The following ASIC2 variants were observed in gnomAD, a reference collection of about 807,000 sequenced individuals.
ASIC2 encodes acid-sensing ion channel 2.
Under a neutral mutation model 57.3 loss-of-function variants are expected in ASIC2, and 25 were observed. The observed-to-expected ratio is 0.44, with a 90% confidence interval of 0.32 to 0.61. The LOEUF is 0.61. ASIC2 is among the 20% of genes least tolerant of loss of function. The pLI is 0.06. For missense variants in ASIC2, 641 were observed against 738.1 expected (o/e 0.87, Z 1.52); for synonymous variants, 319 against 307.5 (o/e 1.04, Z -0.39).
At chr17:33,530,771 A>C (rs1915027910) in intron 1 of ASIC2, among the ~76,000 whole-genome samples, 1 of 152,206 alleles carries the variant, frequency 6.6e-6, no homozygotes, top group African/African-American at 2.4e-5. Flanking sequence ...CACAGGTACC[A>C]AGGGGTTGGA....
intron 1 of ASIC2, among the ~76,000 whole-genome samples, chr17:33,941,436 A>G (rs947870755): frequency 2.6e-5 from 4 of 152,050 alleles, no homozygotes; most frequent in Admixed American, 2.6e-4. Flanking sequence ...CTGAAAAGGA[A>G]CCCCACCTTA....
chr17:33,857,120 G>A (rs1913978840), intron 1 of ASIC2, among the ~76,000 whole-genome samples: 1 of 151,978 alleles, frequency 6.6e-6, no homozygotes, highest in Admixed American at 6.6e-5. Flanking sequence ...AAAATTGAAG[G>A]GTCTTACCCT....
intron 1 of ASIC2, among the ~76,000 whole-genome samples, chr17:33,955,897 T>C (rs974002353): frequency 2.0e-5 from 3 of 152,358 alleles, no homozygotes; most frequent in African/African-American, 7.2e-5. Flanking sequence ...ACCTGGTTAA[T>C]GAATTTACAC....
At chr17:33,015,854 G>A in intron 9 of ASIC2, 117 bp downstream of exon 9, 2 of 1,064,886 alleles carry the variant, frequency 1.9e-6, no homozygotes, top group Non-Finnish European at 1.4e-6. Flanking sequence ...CATGTCCCAA[G>A]CCATGGAAAG....
intron 1 of ASIC2, among the ~76,000 whole-genome samples, chr17:33,858,471 T>C (rs921186193): frequency 6.6e-6 from 1 of 152,190 alleles, no homozygotes; most frequent in Non-Finnish European, 1.5e-5. Flanking sequence ...GAAATGAATT[T>C]TGTTTAGTTC....
At chr17:33,932,379 A>G (rs1233624627) in intron 1 of ASIC2, among the ~76,000 whole-genome samples, 1 of 152,172 alleles carries the variant, frequency 6.6e-6, no homozygotes, top group East Asian at 1.9e-4. Context: ...TGTGGAAATG[A>G]TAATACTTTG....
At chr17:33,483,167 C>T (rs570313479) in intron 1 of ASIC2, among the ~76,000 whole-genome samples, 5 of 152,308 alleles carry the variant, frequency 3.3e-5, no homozygotes, top group South Asian at 4.1e-4. Flanking sequence ...TCTTCCAGCC[C>T]GTTACTTCCT....
intron 1 of ASIC2, among the ~76,000 whole-genome samples, chr17:34,069,048 G>A (rs544070373): frequency 6.6e-6 from 1 of 152,332 alleles, no homozygotes; most frequent in South Asian, 2.1e-4. Context: ...CACTGACACA[G>A]GAGAGTGGGC....
chr17:33,066,474 T>G (rs1022125723), intron 3 of ASIC2, among the ~76,000 whole-genome samples: 1 of 152,050 alleles, frequency 6.6e-6, no homozygotes, highest in African/African-American at 2.4e-5. Flanking sequence ...GTAAAGGATG[T>G]CCTCATGGGC....
intron 1 of ASIC2, among the ~76,000 whole-genome samples, chr17:33,930,901 ATTTGTTTG>A (rs141993092): frequency 7.2e-5 from 11 of 151,960 alleles, no homozygotes; most frequent in African/African-American, 2.7e-4. Flanking sequence ...AGATTTATTT[ATTTGTTTG>A]TTTGTTTGTT....
At position 33,975,252 on chromosome 17, in the gene ASIC2, G is replaced by C. The variant is rs530609821; in HGVS notation, c.555+180726C>G. On this transcript the variant is annotated intron_variant, in intron 1 of 9. Coordinates refer to the ASIC2 transcript ENST00000359872. ...GATGGAAGCCCCTTTGCTGATATGG[G>C]ATGGCAAAGCCTGAACAGAAGCAGG... 3.3e-5 allele frequency among the ~76,000 whole-genome samples: 5 copies of C among 152,274 alleles called. No individual in the cohort carries two copies. In the South Asian group the frequency reaches 1.0e-3, roughly 32 times the overall value.
chr17:33,854,166 T>C (rs1913852029), intron 1 of ASIC2, among the ~76,000 whole-genome samples: 1 of 152,226 alleles, frequency 6.6e-6, no homozygotes. Flanking sequence ...ATTTCTTTGC[T>C]AGTTAATGGC....
At chr17:33,971,792 T>C (rs1373496461) in intron 1 of ASIC2, among the ~76,000 whole-genome samples, 2 of 152,182 alleles carry the variant, frequency 1.3e-5, no homozygotes, top group African/African-American at 4.8e-5. Flanking sequence ...ACCCAGACCT[T>C]GTGATGGATT....
chr17:33,369,453 T>C (rs187518457), intron 1 of ASIC2, among the ~76,000 whole-genome samples: 1 of 152,332 alleles, frequency 6.6e-6, no homozygotes, highest in Non-Finnish European at 1.5e-5. Flanking sequence ...TGAGGCTTCC[T>C]TTCCCTTTTT....
At chr17:33,396,156 T>A (rs961153519) in intron 1 of ASIC2, among the ~76,000 whole-genome samples, 1 of 152,194 alleles carries the variant, frequency 6.6e-6, no homozygotes, top group Non-Finnish European at 1.5e-5. Context: ...TCCCTCATTT[T>A]ACAAATAAAG....
At chr17:33,520,088 G>C (rs1914695213) in intron 1 of ASIC2, among the ~76,000 whole-genome samples, 1 of 152,214 alleles carries the variant, frequency 6.6e-6, no homozygotes, top group African/African-American at 2.4e-5. Flanking sequence ...TATGAGCAGA[G>C]GGTATCTTTG....
intron 6 of ASIC2, among the ~76,000 whole-genome samples, chr17:33,023,512 A>T (rs2091846691): frequency 1.3e-5 from 2 of 151,926 alleles, no homozygotes; most frequent in African/African-American, 4.8e-5. Context: ...AAGAAAAAAA[A>T]ATTCTCTGAA....
rs73276684 is a variant in ASIC2, at chr17:33,981,089, T to A, written c.555+174889A>T. On this transcript the variant is annotated intron_variant, in intron 1 of 9. Transcript: ENST00000359872. ...TAGCTGAGACCACAGGCGTGCACAA[T>A]CTCGCCTGGCTAATTTTTTTTCTTT... is the stretch of plus-strand genomic sequence containing the variant. Among the ~76,000 whole-genome samples the A allele has an allele frequency of 4.8e-3, 725 of 151,948 alleles. 7 individuals are homozygous for A. The highest frequency in any genetic ancestry group is 0.017 in the African/African-American group (695 of 41,448).
intron 1 of ASIC2, among the ~76,000 whole-genome samples, chr17:34,007,763 C>T (rs1388734084): frequency 6.6e-6 from 1 of 152,248 alleles, no homozygotes; most frequent in Non-Finnish European, 1.5e-5. Flanking sequence ...CATCAAACCT[C>T]GTTTCTCCCA....
Sources: allele counts gnomAD v4.1 joint callset (sites outside exome capture counted in the v4.1 genomes callset), GRCh38; gene constraint gnomAD v4.1.1; transcripts MANE v1.5; gene names NCBI Gene and HGNC (gene_info 2026-07-23, HGNC 2026-07-21).